DGLUCY: variants seen among roughly 807,000 people sequenced by gnomAD.
DGLUCY encodes the protein D-glutamate cyclase.
A neutral mutation model predicts 58.5 loss-of-function variants in DGLUCY; 58 were observed. The observed-to-expected ratio is 0.99, with a 90% CI of 0.80 to 1.23. DGLUCY has a LOEUF of 1.23. Ranked by LOEUF, DGLUCY falls within the 50% of genes most tolerant of loss-of-function variation. DGLUCY has a pLI of 0.00. For missense variants in DGLUCY, 779 were observed against 784.7 expected (o/e 0.99, Z 0.09); for synonymous variants, 325 against 314.1 (o/e 1.03, Z -0.37).
intron 1 of DGLUCY, among the ~76,000 whole-genome samples, chr14:91,090,352 T>C (rs145736057): frequency 1.5e-3 from 227 of 152,192 alleles, no homozygotes; most frequent in African/African-American, 5.3e-3. Flanking sequence ...TGAATGACAG[T>C]GAATTTGCCT....
At chr14:91,167,166 G>C (rs1411516949) in intron 3 of DGLUCY, 59 bp from the exon 4 acceptor site, 52 of 1,494,828 alleles carry the variant, frequency 3.5e-5, no homozygotes, top group Non-Finnish European at 4.5e-5. Context: ...AAGAAAATCA[G>C]TAAGTGTCTG....
rs552050343 is a variant in DGLUCY, at chr14:91,083,930, A to G, written c.-82+23226A>G. 2.0e-5 allele frequency among the ~76,000 whole-genome samples: 3 copies of G among 152,164 alleles called. No individual in the cohort carries two copies. The East Asian group carries it at 5.8e-4, about 29-fold the overall frequency. On this transcript the variant is annotated intron_variant, in intron 1 of 4. Coordinates refer to the DGLUCY transcript ENST00000521334. ...CCATTCTCTGCTTTAATGGCTTCAT[A>G]GCATAGACCACTATCCAAAATGATC...
At chr14:91,170,430 T>C (rs2048515837) in intron 5 of DGLUCY, among the ~76,000 whole-genome samples, 1 of 152,214 alleles carries the variant, frequency 6.6e-6, no homozygotes, top group South Asian at 2.1e-4. Flanking sequence ...GTGGCCCTTC[T>C]TCATGGTTCA....
At chr14:91,138,689 G>A (rs1349964843) in intron 1 of DGLUCY, among the ~76,000 whole-genome samples, 2 of 152,088 alleles carry the variant, frequency 1.3e-5, no homozygotes, top group African/African-American at 2.4e-5. Context: ...ACAATTTTAA[G>A]CCATCAAATC....
chr14:91,185,807 A>G (rs748175944), intron 8 of DGLUCY, among the ~76,000 whole-genome samples: 1 of 152,268 alleles, frequency 6.6e-6, no homozygotes, highest in East Asian at 1.9e-4. Context: ...CCACCCATCA[A>G]TGCTGTGCAG....
At chr14:91,065,830 C>T (rs2043810366) in intron 1 of DGLUCY, among the ~76,000 whole-genome samples, 1 of 152,078 alleles carries the variant, frequency 6.6e-6, no homozygotes, top group Admixed American at 6.5e-5. Flanking sequence ...GTGATGTGAC[C>T]AGACAGCTTG....
At chr14:91,117,646 TACACACACACACACATACAC>T (rs1314633179) in intron 1 of DGLUCY, among the ~76,000 whole-genome samples, 4 of 149,560 alleles carry the variant, frequency 2.7e-5, no homozygotes, top group Admixed American at 6.7e-5. Context: ...TTTGTTCACA[TACACACACACACACATACAC>T]ACACACACAC....
At chr14:91,095,777 C>T (rs2044384415) in intron 1 of DGLUCY, among the ~76,000 whole-genome samples, 2 of 152,088 alleles carry the variant, frequency 1.3e-5, no homozygotes, top group South Asian at 4.1e-4. Flanking sequence ...TCCGTTGGCC[C>T]ACCCCTCCCT....
At chr14:91,143,724 A>G (rs999756916) in intron 1 of DGLUCY, among the ~76,000 whole-genome samples, 1 of 152,180 alleles carries the variant, frequency 6.6e-6, no homozygotes, top group South Asian at 2.1e-4. Flanking sequence ...GCCACTGGTC[A>G]GTGTTCAGCA....
intron 1 of DGLUCY, among the ~76,000 whole-genome samples, chr14:91,122,096 C>CT (rs139048376): frequency 0.095 from 14,121 of 149,410 alleles, 787 homozygotes; most frequent in Admixed American, 0.14. Flanking sequence ...TGTATGATAT[C>CT]TTTTTTTTTT....
chr14:91,069,499 C>T (rs571899798), intron 1 of DGLUCY, among the ~76,000 whole-genome samples: 5 of 152,212 alleles, frequency 3.3e-5, no homozygotes, highest in Non-Finnish European at 7.4e-5. Context: ...AGGCTGGTCT[C>T]GAACTCCTGA....
upstream of DGLUCY, among the ~76,000 whole-genome samples, chr14:91,113,627 A>G (rs1356287876): frequency 6.6e-6 from 1 of 152,198 alleles, no homozygotes; most frequent in Non-Finnish European, 1.5e-5. Context: ...CACCCTTGCT[A>G]TTCACAGTGT....
chr14:91,062,561 ATATATAT>A (rs2043735168), intron 1 of DGLUCY, among the ~76,000 whole-genome samples: 10 of 4,972 alleles, frequency 2.0e-3, no homozygotes, highest in African/African-American at 3.3e-3. Flanking sequence ...AAAAAAAAAT[ATATATAT>A]ATATATATAT....
chr14:91,165,260 A>G (rs1228429423), intron 3 of DGLUCY: 1 of 456,156 alleles, frequency 2.2e-6, no homozygotes, highest in African/African-American at 2.0e-5. Flanking sequence ...TTCATTGAAC[A>G]GTAACTTTAG....
At chr14:91,091,006 A>C (rs1209300611) in intron 1 of DGLUCY, 1 of 152,198 alleles carries the variant, frequency 6.6e-6, no homozygotes, top group Non-Finnish European at 1.5e-5. Flanking sequence ...TTACCCCTGA[A>C]GGGCTATTGC....
At chr14:91,088,157 G>A (rs930841755) in intron 1 of DGLUCY, among the ~76,000 whole-genome samples, 3 of 152,178 alleles carry the variant, frequency 2.0e-5, no homozygotes, top group Admixed American at 2.0e-4. Context: ...ATGTAGAGAA[G>A]TCAGTATATG....
At position 91,217,083 on chromosome 14, in the gene DGLUCY, T is replaced by A. The variant is rs569820212; in HGVS notation, c.1716+1527T>A. Among the ~76,000 whole-genome samples the A allele has an allele frequency of 1.1e-4, 17 of 152,226 alleles. No homozygotes were observed. In the South Asian group the frequency reaches 3.3e-3, roughly 30 times the overall value. On this transcript the variant is annotated intron_variant, in intron 13 of 13. Coordinates refer to ENST00000256324, the MANE Select transcript of DGLUCY (RefSeq NM_001102368.3). ...TCCTCAAGGAGATGGGACCTGCCCC[T>A]CTTGGAGGAGAAGCTGGTGGACCAG... is the stretch of plus-strand genomic sequence containing the variant.
chr14:91,215,644 G>T (rs1231493183), intron 13 of DGLUCY, 88 bp downstream of exon 13: 8 of 1,604,238 alleles, frequency 5.0e-6, no homozygotes, highest in Non-Finnish European at 6.8e-6. Flanking sequence ...TAAGCCGAGG[G>T]CTGGCACCCT....
At position 91,181,302 on chromosome 14, in the gene DGLUCY, T is replaced by G; in HGVS notation, c.847T>G (p.Ser283Ala). 6.2e-7 allele frequency: 1 copy of G among 1,614,190 alleles called. No homozygotes were observed. Among genetic ancestry groups the G allele is most frequent in the Non-Finnish European group, 8.5e-7 (1 of 1,180,040 alleles). Residue 283 changes from serine to alanine, a missense_variant, in exon 8 of 14, where the codon TCC (serine) becomes GCC (alanine). Physicochemically the swap from Ser to Ala is moderately conservative, Grantham distance 99. Coordinates refer to ENST00000256324, the MANE Select transcript of DGLUCY (RefSeq NM_001102368.3). ...PERIPEVHHI[S>A]QDPLHYSIAS... ...GAGAATTCCAGAGGTCCATCACATT[T>G]CCCAAGATCCTCTGCACTACAGCAT... is the stretch of plus-strand genomic sequence containing the variant.
Sources: allele counts gnomAD v4.1 joint callset (sites outside exome capture counted in the v4.1 genomes callset), GRCh38; gene constraint gnomAD v4.1.1; transcripts MANE v1.5; gene names NCBI Gene and HGNC (gene_info 2026-07-23, HGNC 2026-07-21).